The following GPR107 variants were observed in gnomAD, a reference collection of about 807,000 sequenced individuals.
The protein encoded by GPR107 is G protein-coupled receptor 107.
A neutral mutation model predicts 75.5 loss-of-function variants in GPR107; 31 were observed. The observed-to-expected ratio is 0.41, with a 90% confidence interval of 0.31 to 0.55. The LOEUF is 0.55. GPR107 is among the 20% of genes least tolerant of loss of function. The pLI is 0.26. For synonymous variants in GPR107, 267 were observed against 251.3 expected (o/e 1.06, Z -0.59); for missense variants, 572 against 665.7 (o/e 0.86, Z 1.55).
intron 12 of GPR107, among the ~76,000 whole-genome samples, chr9:130,102,957 ATTTTT>A (rs10707248): frequency 6.7e-6 from 1 of 149,494 alleles, no homozygotes; most frequent in African/African-American, 2.5e-5. Flanking sequence ...CTAATTTTTA[ATTTTT>A]TTTTTTTAAT....
At chr9:130,116,156 A>C (rs1405606952) in intron 14 of GPR107, among the ~76,000 whole-genome samples, 1 of 152,164 alleles carries the variant, frequency 6.6e-6, no homozygotes, top group African/African-American at 2.4e-5. Flanking sequence ...TCTTGGACAC[A>C]TTGCCAGGCT....
intron 17 of GPR107, chr9:130,129,835 G>T (rs1237424116): frequency 6.6e-6 from 1 of 152,268 alleles, no homozygotes; most frequent in African/African-American, 2.4e-5. Context: ...CGCATAACAC[G>T]GGGTTCTTTG....
At chr9:130,078,279 T>A (rs1329658570) in intron 4 of GPR107, among the ~76,000 whole-genome samples, 1 of 152,036 alleles carries the variant, frequency 6.6e-6, no homozygotes, top group Non-Finnish European at 1.5e-5. Flanking sequence ...AAGGTAGGAA[T>A]CATGTGCTCA....
intron 5 of GPR107, among the ~76,000 whole-genome samples, chr9:130,082,842 G>A (rs1830525914): frequency 6.6e-6 from 1 of 151,956 alleles, no homozygotes; most frequent in Non-Finnish European, 1.5e-5. Context: ...GAAGCCATTA[G>A]CAATCTTCTT....
At chr9:130,092,212 T>C (rs1830755350) in intron 8 of GPR107, 36 bp from the exon 9 acceptor site, 1 of 1,584,290 alleles carries the variant, frequency 6.3e-7, no homozygotes, top group Non-Finnish European at 8.7e-7. Flanking sequence ...ATGATATGTT[T>C]CTGAAAAGTA....
chr9:130,139,826 TCGTGTTCACATGGGGG>T lies in GPR107; in HGVS notation c.*4707_*4722del, dbSNP rs1302316204. The stretch of plus-strand genomic sequence containing the variant: ...AAGATACTGTTACAGGGTCCAGAAA[TCGTGTTCACATGGGGG>T]CTTTGACTCTTCAAACAGCTTTTGC... On this transcript the variant is annotated 3_prime_UTR_variant, in exon 18 of 18. Coordinates refer to ENST00000347136, the MANE Select transcript of GPR107 (RefSeq NM_020960.5). The T allele has an allele frequency of 1.3e-5, 2 of 152,206 alleles. No homozygotes were observed. Among genetic ancestry groups the T allele is most frequent in the Non-Finnish European group, 2.9e-5 (2 of 68,036 alleles). 9.4% of individuals were successfully genotyped at this position (152,206 alleles called of 1,614,324 possible). A position where few individuals can be genotyped will look rare whatever the true frequency, so the allele number is the denominator to read the frequency against.
At chr9:130,057,590 A>C (rs1829824340) in intron 1 of GPR107, among the ~76,000 whole-genome samples, 1 of 151,340 alleles carries the variant, frequency 6.6e-6, no homozygotes, top group South Asian at 2.1e-4. Flanking sequence ...AGCATAATGA[A>C]CTCCCATGTG....
At chr9:130,075,610 A>G (rs755119568) in intron 1 of GPR107, 26 bp from the exon 2 acceptor site, 4 of 1,154,412 alleles carry the variant, frequency 3.5e-6, no homozygotes, top group East Asian at 2.3e-5. Context: ...CCATATGACT[A>G]ATTCCACCAC....
intron 14 of GPR107, among the ~76,000 whole-genome samples, chr9:130,117,942 G>A (rs1831465117): frequency 6.6e-6 from 1 of 152,190 alleles, no homozygotes; most frequent in African/African-American, 2.4e-5. Context: ...AGCCTTTTGA[G>A]TCATGATTGC....
chr9:130,100,186 C>T (rs538664067), intron 10 of GPR107, among the ~76,000 whole-genome samples: 5 of 152,128 alleles, frequency 3.3e-5, no homozygotes, highest in Non-Finnish European at 5.9e-5. Flanking sequence ...TGAGCCACCA[C>T]GCCCGGCCTC....
intron 1 of GPR107, among the ~76,000 whole-genome samples, chr9:130,064,216 A>G (rs1417515224): frequency 1.0e-5 from 1 of 97,672 alleles, no homozygotes; most frequent in East Asian, 3.1e-4. Context: ...TTTGAGACGG[A>G]GTCTCGCTCT....
chr9:130,108,900 C>A, intron 14 of GPR107: 1 of 383,836 alleles, frequency 2.6e-6, no homozygotes, highest in Non-Finnish European at 5.0e-6. Context: ...GGCTACATAG[C>A]CTTTCTTGGA....
At chr9:130,130,852 G>A (rs1276843674) in intron 17 of GPR107, among the ~76,000 whole-genome samples, 2 of 141,862 alleles carry the variant, frequency 1.4e-5, no homozygotes, top group Non-Finnish European at 3.0e-5. Flanking sequence ...CCTGGGCGAT[G>A]AGAGTGAAAC....
rs1831112280 is a variant in GPR107, at chr9:130,104,449, A to G, written c.1161A>G (p.Ile387Met). 6.2e-7 allele frequency: 1 copy of G among 1,613,610 alleles called. No individual in the cohort carries two copies. The highest frequency in any genetic ancestry group is 1.1e-5 in the South Asian group (1 of 91,060). ...QVLANVAYII[I>M]ESTEEGTTEY... is the part of the protein sequence containing the mutation. ...TGGCAAATGTAGCCTACATCATCAT[A>G]GAGTCCACCGAGGAGGGCACGACTG... The change falls in exon 13 of 18, where the codon ATA becomes ATG. Residue 387 changes from isoleucine (I) to methionine (M), a missense_variant. Physicochemically the swap from Ile to Met is conservative, Grantham distance 10 (BLOSUM62 1). Transcript: ENST00000347136.
intron 14 of GPR107, among the ~76,000 whole-genome samples, chr9:130,116,858 G>T (rs544987254): frequency 6.6e-6 from 1 of 151,806 alleles, no homozygotes; most frequent in Non-Finnish European, 1.5e-5. Flanking sequence ...ATATAATTTC[G>T]TTTACAATAA....
At chr9:130,097,904 C>T (rs57428101) in intron 9 of GPR107, among the ~76,000 whole-genome samples, 5,204 of 151,774 alleles carry the variant, frequency 0.034, 305 homozygotes, top group African/African-American at 0.12. Flanking sequence ...CGTTTTGAGA[C>T]AGGGACTCGC....
chr9:130,069,587 A>G (rs142868838), intron 1 of GPR107, among the ~76,000 whole-genome samples: 24 of 152,270 alleles, frequency 1.6e-4, no homozygotes, highest in Non-Finnish European at 3.4e-4. Context: ...ACTTCCATAC[A>G]TATCTTATTT....
chr9:130,132,411 C>T (rs782112620), intron 17 of GPR107, among the ~76,000 whole-genome samples: 2 of 152,206 alleles, frequency 1.3e-5, no homozygotes, highest in African/African-American at 2.4e-5. Flanking sequence ...CAGACTGGGC[C>T]CTCGACAACC....
chr9:130,094,568 G>A (rs747724284), intron 9 of GPR107, among the ~76,000 whole-genome samples: 3 of 152,108 alleles, frequency 2.0e-5, no homozygotes, highest in Non-Finnish European at 4.4e-5. Flanking sequence ...GTAAGACTCT[G>A]TCTCTAAGAA....
Sources: gnomAD v4.1 joint callset for allele counts (sites outside exome capture counted in the v4.1 genomes callset) on GRCh38, gnomAD v4.1.1 for gene constraint, MANE v1.5 for transcripts, NCBI Gene and HGNC (gene_info 2026-07-23, HGNC 2026-07-21) for gene names.